Variants in PCNX1 observed in about 807,000 individuals in gnomAD.
The protein encoded by PCNX1 is pecanex-like protein 1.
A neutral mutation model predicts 242.2 loss-of-function variants in PCNX1; 78 were observed. The observed-to-expected ratio is 0.32, with a 90% confidence interval of 0.27 to 0.39. The LOEUF (loss-of-function observed/expected upper bound fraction) is 0.39. PCNX1 is among the 10% of genes least tolerant of loss of function. The pLI is 1.00. For synonymous variants in PCNX1, 1,024 were observed against 1,032.9 expected, an observed-to-expected ratio of 0.99 and a Z score of 0.17; for missense variants, 2,581 against 2,856.5, an observed-to-expected ratio of 0.90 and a Z score of 2.20.
intron 19 of PCNX1, among the ~76,000 whole-genome samples, chr14:71,039,255 A>G (rs1359062250): frequency 6.6e-6 from 1 of 152,074 alleles, no homozygotes; most frequent in Non-Finnish European, 1.5e-5. Context: ...AAAAAAAACC[A>G]AATACTTATT....
At position 70,977,955 on chromosome 14, in the gene PCNX1, G is replaced by T. The variant is rs1221852526; in HGVS notation, c.1618G>T (p.Gly540Trp). ...RKDVGGKQKE[G>W]DVRPKSSSVI... ...AGATGTTGGTGGAAAGCAAAAGGAA[G>T]GGGATGTTCGACCTAAATCTTCTAG... is the stretch of plus-strand genomic sequence containing the variant. Residue 540 changes from glycine (G) to tryptophan (W), a missense_variant, in exon 6 of 36, where the codon GGG becomes TGG. By Grantham distance (184) the Gly-to-Trp change is radical. Transcript: ENST00000304743. 1.9e-6 allele frequency: 3 copies of T among 1,614,134 alleles called. No homozygotes were observed. Among genetic ancestry groups the T allele is most frequent in the Non-Finnish European group, 1.7e-6 (2 of 1,180,012 alleles).
chr14:71,039,693 C>T (rs1162900696), intron 19 of PCNX1, among the ~76,000 whole-genome samples: 2 of 152,168 alleles, frequency 1.3e-5, no homozygotes, highest in Non-Finnish European at 2.9e-5. Context: ...CATCAGTAGA[C>T]CTCCATGATC....
chr14:70,937,999 G>A (rs2140223345), intron 1 of PCNX1, among the ~76,000 whole-genome samples: 2 of 152,336 alleles, frequency 1.3e-5, no homozygotes, highest in Non-Finnish European at 2.9e-5. Flanking sequence ...AGACTTTGCT[G>A]AAGTTGCTTA....
At chr14:70,908,319 C>G (rs1182976947) in intron 1 of PCNX1, among the ~76,000 whole-genome samples, 1 of 152,118 alleles carries the variant, frequency 6.6e-6, no homozygotes, top group Non-Finnish European at 1.5e-5. Flanking sequence ...CCCGCCGGGG[C>G]CCCCCGCCCG....
At chr14:70,996,025 CT>C in intron 8 of PCNX1, 100 bp downstream of exon 8, 1 of 902,596 alleles carries the variant, frequency 1.1e-6, no homozygotes. Flanking sequence ...CATTTTGGAA[CT>C]ATGCATAGGA....
intron 2 of PCNX1, among the ~76,000 whole-genome samples, chr14:70,949,604 C>G (rs1189144740): frequency 2.0e-5 from 3 of 152,094 alleles, no homozygotes; most frequent in Middle Eastern, 3.4e-3. Context: ...TGTTTCTTTC[C>G]TAGATCTTTG....
At position 71,112,230 on chromosome 14, in the gene PCNX1, C is replaced by T. The variant is rs1204207287; in HGVS notation, c.*2295C>T. On this transcript the variant is annotated 3_prime_UTR_variant, in exon 36 of 36. Transcript: ENST00000304743. ...AGGGCTAGAATTTTTTAATTTCTAG[C>T]CCCTCCTCCAAAAAAATTTTAAACA... 1 of 151,980 alleles carries T rather than the reference C, an allele frequency of 6.6e-6. No individual in the cohort carries two copies. The highest frequency in any genetic ancestry group is 1.5e-5 in the Non-Finnish European group (1 of 67,870). The allele number at this position is 151,980 out of a possible 1,614,324, so 9.4% of individuals were successfully genotyped here.
chr14:70,907,703 C>T lies in PCNX1; in HGVS notation c.-148C>T, dbSNP rs2055619352. The T allele has an allele frequency of 1.0e-6, 1 of 998,972 alleles. No individual in the cohort carries two copies. Among genetic ancestry groups the T allele is most frequent in the African/African-American group, 1.7e-5 (1 of 58,740 alleles). The allele number at this position is 998,972 out of a possible 1,614,324, so 61.9% of individuals were successfully genotyped here. A position where few individuals can be genotyped will look rare whatever the true frequency, so the allele number is the denominator to read the frequency against. On this transcript the variant is annotated 5_prime_UTR_variant, in exon 1 of 36. Coordinates refer to ENST00000304743, the MANE Select transcript of PCNX1 (RefSeq NM_014982.3). ...CCTCCTCCTCCTCCTGCAGCAGCAC[C>T]AGCGACCGCCGAAGCGCCGGCTCGC...
Position 71,095,901 on chromosome 14 carries a change from C to T in PCNX1, c.5590-6089C>T, listed in dbSNP as rs74827566. ...CTTAAGAATATGATTATTGGCCAGG[C>T]GTAGTAGCTTGTGCCTGTAATCCCA... On this transcript the variant is annotated intron_variant, in intron 30 of 35. Transcript: ENST00000304743. Among the ~76,000 whole-genome samples the T allele has an allele frequency of 9.1e-3, 1,387 of 152,228 alleles. 10 individuals carry two copies. The highest frequency in any genetic ancestry group is 0.013 in the Non-Finnish European group (851 of 68,014).
At chr14:70,935,283 A>T (rs149760057) in intron 1 of PCNX1, among the ~76,000 whole-genome samples, 1 of 152,216 alleles carries the variant, frequency 6.6e-6, no homozygotes, top group Non-Finnish European at 1.5e-5. Context: ...ACAGTGTCTC[A>T]TGCCTGTAAT....
Position 71,105,428 on chromosome 14 carries a change from C to G in PCNX1, c.6289C>G (p.Pro2097Ala), listed in dbSNP as rs769597610. ...TGLHPPVTSYPPTLGTSHSSH... is the reference protein window; with the variant it reads ...TGLHPPVTSYAPTLGTSHSSH... ...ACTCCACCCACCTGTCACATCTTAT[C>G]CTCCAACACTAGGTAATGTGAAACA... is the stretch of plus-strand genomic sequence containing the variant. The change falls in exon 33 of 36, where the codon CCT (proline) becomes GCT (alanine). Residue 2097 changes from proline (P) to alanine (A), a missense_variant. Transcript: ENST00000304743. The G allele has an allele frequency of 6.2e-7, 1 of 1,612,780 alleles. No individual in the cohort carries two copies. The highest frequency in any genetic ancestry group is 1.3e-5 in the African/African-American group (1 of 74,880).
chr14:71,091,972 G>A (rs910955085), intron 30 of PCNX1, among the ~76,000 whole-genome samples: 1 of 152,164 alleles, frequency 6.6e-6, no homozygotes, highest in Non-Finnish European at 1.5e-5. Context: ...CAGTTCTTGT[G>A]TATTTCTCAT....
chr14:71,107,082 A>G (rs947994618), intron 33 of PCNX1, among the ~76,000 whole-genome samples: 1 of 152,138 alleles, frequency 6.6e-6, no homozygotes, highest in African/African-American at 2.4e-5. Flanking sequence ...TCTACAATCC[A>G]CCTGGTGTGC....
In PCNX1 at chr14:71,108,965, C is replaced by T. The variant is rs773935023; in HGVS notation, c.6663C>T (p.Ala2221=). The T allele has an allele frequency of 2.5e-6, 4 of 1,614,216 alleles. No homozygotes were observed. Among genetic ancestry groups the T allele is most frequent in the Non-Finnish European group, 3.4e-6 (4 of 1,180,024 alleles). Residue 2221 remains alanine (A), a synonymous_variant, in exon 34 of 36, where the codon GCC becomes GCT. Coordinates refer to ENST00000304743, the MANE Select transcript of PCNX1 (RefSeq NM_014982.3). ...CGACAGAGGGAGGTCAGAGCAGTGC[C>T]ACTGATGCACAGCCAGGCAACACCT... The part of the protein sequence containing the change: ...FLATEGGQSS[A]TDAQPGNTLS...
chr14:71,037,424 T>C (rs1308898679), intron 19 of PCNX1, among the ~76,000 whole-genome samples: 281 of 145,586 alleles, frequency 1.9e-3, no homozygotes, highest in African/African-American at 7.0e-3. Context: ...TGGCTGTGGG[T>C]TTGTCATAGA....
intron 24 of PCNX1, among the ~76,000 whole-genome samples, chr14:71,053,109 C>G (rs755433473): frequency 1.8e-4 from 27 of 152,156 alleles, no homozygotes; most frequent in Non-Finnish European, 2.5e-4. Flanking sequence ...AACTTTTACT[C>G]TGGTCCTTTA....
At chr14:71,101,766 TAGAGG>T (rs968361074) in intron 30 of PCNX1, among the ~76,000 whole-genome samples, 5 of 152,042 alleles carry the variant, frequency 3.3e-5, no homozygotes, top group African/African-American at 1.2e-4. Flanking sequence ...ATCTAGAACT[TAGAGG>T]AGAGGGTTGG....
In PCNX1 at chr14:71,088,310, T is replaced by C. The variant is rs1176759371; in HGVS notation, c.5338-20T>C. On this transcript the variant is annotated intron_variant, in intron 28 of 35. Coordinates refer to ENST00000304743, the MANE Select transcript of PCNX1 (RefSeq NM_014982.3). ...ACTTACATACCTTTCTGATAACTAA[T>C]GTTTTTTGTTTTTTTAAAGCCTGTG... The C allele has an allele frequency of 7.2e-7, 1 of 1,394,694 alleles. No individual in the cohort carries two copies. The highest frequency in any genetic ancestry group is 1.0e-6 in the Non-Finnish European group (1 of 982,480). The allele number at this position is 1,394,694 out of a possible 1,614,324, so 86.4% of individuals were successfully genotyped here. A position where few individuals can be genotyped will look rare whatever the true frequency, so the allele number is the denominator to read the frequency against.
intron 2 of PCNX1, among the ~76,000 whole-genome samples, chr14:70,948,829 C>T (rs911343128): frequency 1.3e-4 from 19 of 144,410 alleles, no homozygotes; most frequent in African/African-American, 3.4e-4. Context: ...TTTATTTACT[C>T]GTATAAATAA....
Sources: allele counts gnomAD v4.1 joint callset (sites outside exome capture counted in the v4.1 genomes callset), GRCh38; gene constraint gnomAD v4.1.1; transcripts MANE v1.5; gene names NCBI Gene and HGNC (gene_info 2026-07-23, HGNC 2026-07-21).